PDE3B: variants seen among roughly 807,000 people sequenced by gnomAD.
PDE3B encodes the protein cGMP-inhibited 3',5'-cyclic phosphodiesterase 3B.
In PDE3B, 66 loss-of-function variants were observed where a neutral mutation model predicts 116.8. That is an observed-to-expected ratio of 0.56 (90% CI 0.46 to 0.69). PDE3B has a LOEUF of 0.69. Ranked by LOEUF, PDE3B falls within the 30% of genes least tolerant of loss-of-function variation. The pLI, the probability that PDE3B is intolerant of heterozygous loss-of-function variation, is 0.00. For synonymous variants in PDE3B, 595 were observed against 533.6 expected, an observed-to-expected ratio of 1.12 and a Z score of -1.59; for missense variants, 1,384 against 1,368.1, an observed-to-expected ratio of 1.01 and a Z score of -0.18.
intron 1 of PDE3B, among the ~76,000 whole-genome samples, chr11:14,675,046 G>A (rs1222159310): frequency 6.6e-6 from 1 of 152,158 alleles, no homozygotes; most frequent in Non-Finnish European, 1.5e-5. Context: ...AAGGCAGTTT[G>A]GGATAAGGGA....
At chr11:14,886,113 G>T in the PDE3B span, 495 of 593,084 alleles carry the variant, frequency 8.3e-4, 3 homozygotes, top group African/African-American at 8.3e-3. Context: ...ATTTCATTAT[G>T]CCATTCAGTG....
At chr11:14,716,163 G>A (rs1223240306) in intron 1 of PDE3B, among the ~76,000 whole-genome samples, 3 of 152,084 alleles carry the variant, frequency 2.0e-5, no homozygotes, top group Admixed American at 1.3e-4. Context: ...GGTGACGGAC[G>A]CACCTGGAAA....
intron 1 of PDE3B, among the ~76,000 whole-genome samples, chr11:14,666,117 GA>G (rs1399409302): frequency 1.3e-5 from 2 of 150,144 alleles, no homozygotes; most frequent in African/African-American, 2.4e-5. Flanking sequence ...AGAGCCCTCA[GA>G]AATAACGCCG....
At chr11:14,770,461 A>G (rs1324743469) in intron 1 of PDE3B, among the ~76,000 whole-genome samples, 1 of 151,552 alleles carries the variant, frequency 6.6e-6, no homozygotes, top group African/African-American at 2.4e-5. Flanking sequence ...AAAGAAACTT[A>G]GGGATTTTAG....
chr11:14,741,048 G>T (rs1005215450), intron 1 of PDE3B, among the ~76,000 whole-genome samples: 3 of 152,096 alleles, frequency 2.0e-5, no homozygotes, highest in African/African-American at 7.3e-5. Context: ...GAATAAATGC[G>T]ATGTGGTGCT....
At chr11:14,688,415 A>G (rs917991256) in intron 1 of PDE3B, among the ~76,000 whole-genome samples, 1 of 152,072 alleles carries the variant, frequency 6.6e-6, no homozygotes, top group African/African-American at 2.4e-5. Flanking sequence ...GCTGACACTT[A>G]TGTCAGCACT....
intron 4 of PDE3B, among the ~76,000 whole-genome samples, chr11:14,793,551 A>G (rs1259176654): frequency 2.0e-5 from 3 of 152,176 alleles, no homozygotes; most frequent in Non-Finnish European, 4.4e-5. Flanking sequence ...GAGTTAAAAG[A>G]AGACTGAACT....
At chr11:14,657,602 T>G (rs1433343117) in intron 1 of PDE3B, among the ~76,000 whole-genome samples, 2 of 152,234 alleles carry the variant, frequency 1.3e-5, no homozygotes, top group Non-Finnish European at 1.5e-5. Context: ...ATTTTTTGTT[T>G]GTTTTTGTTG....
intron 4 of PDE3B, among the ~76,000 whole-genome samples, chr11:14,796,931 C>G (rs879536770): frequency 1.3e-5 from 2 of 152,178 alleles, no homozygotes; most frequent in African/African-American, 4.8e-5. Context: ...GACATGAAGT[C>G]TTTGCCCATG....
chr11:14,860,516 CATTT>C lies in PDE3B; in HGVS notation c.2725-683_2725-680del, dbSNP rs577620874. ...AGGCTTTTTTTCAGCTAATAATTAT[CATTT>C]ATTTAAATAACAATATTTAACATTT... On this transcript the variant is annotated intron_variant, in intron 13 of 15. Transcript: ENST00000282096. Among the ~76,000 whole-genome samples, 6 of 151,944 alleles carry C rather than the reference CATTT, an allele frequency of 3.9e-5. No homozygotes were observed. The South Asian group carries it at 1.0e-3, about 26-fold the overall frequency.
At chr11:14,893,107 C>T in the PDE3B span, among the ~76,000 whole-genome samples, 2,430 of 152,236 alleles carry the variant, frequency 0.016, 60 homozygotes, top group African/African-American at 0.055. Flanking sequence ...CATTAGCTTA[C>T]GACTCATTCA....
At chr11:14,712,466 G>GTTTTTTTT (rs58004646) in intron 1 of PDE3B, among the ~76,000 whole-genome samples, 1 of 76,306 alleles carries the variant, frequency 1.3e-5, no homozygotes, top group African/African-American at 6.1e-5. Context: ...GTACAAGCTT[G>GTTTTTTTT]TTTTTTTTTT....
At chr11:14,855,978 T>C (rs1189849374) in intron 12 of PDE3B, among the ~76,000 whole-genome samples, 2 of 152,228 alleles carry the variant, frequency 1.3e-5, no homozygotes, top group Admixed American at 1.3e-4. Flanking sequence ...TTATTAGAAA[T>C]TTTTGAACTG....
intron 4 of PDE3B, among the ~76,000 whole-genome samples, chr11:14,796,980 G>C (rs1858575554): frequency 1.3e-5 from 2 of 152,172 alleles, no homozygotes; most frequent in African/African-American, 4.8e-5. Flanking sequence ...TTTCTTGTAA[G>C]ATTTTTGTGG....
chr11:14,686,506 G>A (rs1374519490), intron 1 of PDE3B, among the ~76,000 whole-genome samples: 1 of 152,016 alleles, frequency 6.6e-6, no homozygotes, highest in African/African-American at 2.4e-5. Flanking sequence ...TTTTCCTTTG[G>A]GGATAAGTTA....
chr11:14,649,913 G>T (rs1185870141), intron 1 of PDE3B, among the ~76,000 whole-genome samples: 1 of 152,174 alleles, frequency 6.6e-6, no homozygotes, highest in Non-Finnish European at 1.5e-5. Context: ...GAAGAACTGG[G>T]TTCTGTCTGT....
At chr11:14,757,706 C>T (rs1267835289) in intron 1 of PDE3B, among the ~76,000 whole-genome samples, 2 of 142,778 alleles carry the variant, frequency 1.4e-5, no homozygotes, top group Non-Finnish European at 3.0e-5. Flanking sequence ...GATATTAGCC[C>T]TTTTTCAGAT....
the PDE3B span, chr11:14,892,072 C>T: frequency 6.2e-7 from 1 of 1,611,924 alleles, no homozygotes; most frequent in South Asian, 1.1e-5. Flanking sequence ...AAATGGCAGC[C>T]CCGGCGGCCC....
intron 1 of PDE3B, among the ~76,000 whole-genome samples, chr11:14,729,049 G>GT (rs1856389989): frequency 6.6e-6 from 1 of 152,074 alleles, no homozygotes; most frequent in South Asian, 2.1e-4. Context: ...ATTTATCTTT[G>GT]TAGCAGTCCC....
Sources: allele counts gnomAD v4.1 joint callset (sites outside exome capture counted in the v4.1 genomes callset), GRCh38; gene constraint gnomAD v4.1.1; transcripts MANE v1.5; gene names NCBI Gene and HGNC (gene_info 2026-07-23, HGNC 2026-07-21).